The following KIAA1614 variants were observed in gnomAD, a reference collection of about 807,000 sequenced individuals.
The protein encoded by KIAA1614 is KIAA1614, also known as uncharacterized protein KIAA1614.
A neutral mutation model predicts 88.7 loss-of-function variants in KIAA1614; 76 were observed. That is an observed-to-expected ratio of 0.86 (90% CI 0.71 to 1.04). KIAA1614 has a LOEUF of 1.04. KIAA1614 is among the 50% of genes least tolerant of loss of function. KIAA1614 has a pLI of 0.00. For missense variants in KIAA1614, 1,553 were observed against 1,582.5 expected, an observed-to-expected ratio of 0.98 and a Z score of 0.32; for synonymous variants, 714 against 675.5, an observed-to-expected ratio of 1.06 and a Z score of -0.88.
intron 4 of KIAA1614, among the ~76,000 whole-genome samples, chr1:180,930,292 A>G (rs1233537062): frequency 6.6e-6 from 1 of 151,912 alleles, no homozygotes; most frequent in Non-Finnish European, 1.5e-5. Flanking sequence ...GGTGGCGGGC[A>G]CCTGTAGTCC....
chr1:180,936,760 CAG>C lies in KIAA1614; in HGVS notation c.2761+93_2761+94del, dbSNP rs1248537065. 4.9e-6 allele frequency: 4 copies of C among 814,442 alleles called. No homozygotes were observed. The East Asian group carries it at 1.1e-4, about 23-fold the overall frequency. 50.5% of individuals were successfully genotyped at this position (814,442 alleles called of 1,614,324 possible). A position where few individuals can be genotyped will look rare whatever the true frequency, so the allele number is the denominator to read the frequency against. On this transcript the variant is annotated intron_variant, in intron 5 of 8. Coordinates refer to ENST00000367588, the MANE Select transcript of KIAA1614 (RefSeq NM_020950.2). The stretch of plus-strand genomic sequence containing the variant: ...ACCCAATCCATGACACACAGGCCTT[CAG>C]AGTCATTCCCTTTTATCTCAATAGT...
chr1:180,936,000 TG>T lies in KIAA1614; in HGVS notation c.2092del (p.Glu698LysfsTer6). ...TGAAAGAGGGCAGAGGACACACGCCTGAAGGAACTCTATTTTTGAGAGAAGA... is the reference window on the plus strand; with the variant it reads ...TGAAAGAGGGCAGAGGACACACGCCTAAGGAACTCTATTTTTGAGAGAAGA... ...EVKEGRGHTP[E>X]GTLFLREDAK... On this transcript the variant is annotated frameshift_variant, in exon 5 of 9. Coordinates refer to ENST00000367588, the MANE Select transcript of KIAA1614 (RefSeq NM_020950.2). LOFTEE classifies it high-confidence loss of function. This position sits in a 1 kb window ranked among gnomAD's most constrained non-coding sequence, Gnocchi z 6.1. 1 of 1,614,056 alleles carries T rather than the reference TG, an allele frequency of 6.2e-7. No individual in the cohort carries two copies. Among genetic ancestry groups the T allele is most frequent in the Non-Finnish European group, 8.5e-7 (1 of 1,179,920 alleles).
chr1:180,943,034 T>TTTTTTGTTTGTTTG (rs1553260090), intron 7 of KIAA1614, among the ~76,000 whole-genome samples: 35 of 139,582 alleles, frequency 2.5e-4, no homozygotes, highest in East Asian at 1.2e-3. Flanking sequence ...TTGGGTTTTT[T>TTTTTTGTTTGTTTG]TTTTTTTTTT....
chr1:180,948,569 TATC>T lies in KIAA1614; in HGVS notation c.*2984_*2986del, dbSNP rs1208278668. 1 of 152,224 alleles carries T rather than the reference TATC, an allele frequency of 6.6e-6. No individual in the cohort carries two copies. The highest frequency in any genetic ancestry group is 1.9e-4 in the East Asian group (1 of 5,186). 9.4% of individuals were successfully genotyped at this position (152,224 alleles called of 1,614,324 possible). On this transcript the variant is annotated 3_prime_UTR_variant, in exon 9 of 9. Transcript: ENST00000367588. ...GCTCTGGCAGCATTCTTTCAGGGTT[TATC>T]ATTAGTCCCCACCTGCAACTCCCAC...
chr1:180,920,698 A>C (rs1423481401), intron 3 of KIAA1614, among the ~76,000 whole-genome samples: 1 of 131,798 alleles, frequency 7.6e-6, no homozygotes, highest in Non-Finnish European at 1.6e-5. Context: ...TCAACACAGC[A>C]GGCAGGCTGG....
intron 7 of KIAA1614, among the ~76,000 whole-genome samples, chr1:180,943,345 C>T (rs1415200852): frequency 6.6e-6 from 1 of 151,616 alleles, no homozygotes; most frequent in East Asian, 2.0e-4. Flanking sequence ...GCCACATTTT[C>T]TTTATCCACT....
At position 180,945,796 on chromosome 1, in the gene KIAA1614, T is replaced by A. The variant is rs925320247; in HGVS notation, c.*208T>A. ...TTGACTCCACTGTCCCCCTGCTGTC[T>A]GATGACATCTTGAAATTAGAAGCTT... On this transcript the variant is annotated 3_prime_UTR_variant, in exon 9 of 9. Transcript: ENST00000367588. The A allele has an allele frequency of 7.5e-7, 1 of 1,341,886 alleles. No individual in the cohort carries two copies. The allele number at this position is 1,341,886 out of a possible 1,614,324, so 83.1% of individuals were successfully genotyped here.
At chr1:180,928,119 A>C in intron 3 of KIAA1614, 1 of 254,384 alleles carries the variant, frequency 3.9e-6, no homozygotes, top group Non-Finnish European at 7.4e-6. Context: ...GAACAATAGA[A>C]TAATCTGGAG....
At chr1:180,917,976 C>A in intron 3 of KIAA1614, 62 bp downstream of exon 3, 2 of 1,418,844 alleles carry the variant, frequency 1.4e-6, no homozygotes, top group Middle Eastern at 2.0e-4. Context: ...TCTATTTACT[C>A]AGCATCAGGA....
chr1:180,935,296 C>A lies in KIAA1614; in HGVS notation c.1387C>A (p.Arg463Ser). 6.7e-7 allele frequency: 1 copy of A among 1,497,710 alleles called. No homozygotes were observed. The highest frequency in any genetic ancestry group is 8.9e-7 in the Non-Finnish European group (1 of 1,127,370). 92.8% of individuals were successfully genotyped at this position (1,497,710 alleles called of 1,614,324 possible). A position where few individuals can be genotyped will look rare whatever the true frequency, so the allele number is the denominator to read the frequency against. Residue 463 changes from arginine to serine, a missense_variant, in exon 5 of 9, where the codon CGT (arginine) becomes AGT (serine). Transcript: ENST00000367588. This position sits in a 1 kb window ranked among gnomAD's most constrained non-coding sequence, Gnocchi z 6.1. ...TGAGTCCGCCCGCGAAGCCGAGTTC[C>A]GTCACCTGGAGCGGCTGCAGCAGCG... ...EDESAREAEFRHLERLQQRQR... is the reference protein window; with the variant it reads ...EDESAREAEFSHLERLQQRQR...
chr1:180,925,235 C>A (rs905156418), intron 3 of KIAA1614, among the ~76,000 whole-genome samples: 2 of 152,180 alleles, frequency 1.3e-5, no homozygotes, highest in African/African-American at 4.8e-5. Context: ...AGCACATGAC[C>A]CAGAATCAGT....
In KIAA1614 at chr1:180,946,435, C is replaced by G. The variant is rs1478860983; in HGVS notation, c.*847C>G. 6.6e-6 allele frequency: 1 copy of G among 152,278 alleles called. No homozygotes were observed. The highest frequency in any genetic ancestry group is 2.4e-5 in the African/African-American group (1 of 41,450). The allele number at this position is 152,278 out of a possible 1,614,324, so 9.4% of individuals were successfully genotyped here. A position where few individuals can be genotyped will look rare whatever the true frequency, so the allele number is the denominator to read the frequency against. On this transcript the variant is annotated 3_prime_UTR_variant, in exon 9 of 9. Transcript: ENST00000367588. ...TCCTGGACATCATTCTGCACTCTGA[C>G]CAGTTCTCAGTTCCACCCCATCCAT...
In KIAA1614 at chr1:180,917,895, C is replaced by A; in HGVS notation, c.1042C>A (p.Gln348Lys). Residue 348 changes from glutamine (Q) to lysine (K), a missense_variant, in exon 3 of 9, where the codon CAG becomes AAG. Gln to Lys is a moderately conservative substitution (Grantham distance 53, BLOSUM62 1). Transcript: ENST00000367588. ...DVDWASGTSL[Q>K]DSGQNRTVGP... ...GGACTGGGCCTCGGGCACCTCCTTG[C>A]AGGACTCCGGCCAGAACAGGTAAGA... 6.2e-7 allele frequency: 1 copy of A among 1,613,918 alleles called. No homozygotes were observed. The highest frequency in any genetic ancestry group is 8.5e-7 in the Non-Finnish European group (1 of 1,179,918).
chr1:180,935,138 G>A lies in KIAA1614; in HGVS notation c.1229G>A (p.Arg410Gln), dbSNP rs1458141884. 4.9e-6 allele frequency: 7 copies of A among 1,440,248 alleles called. No homozygotes were observed. The highest frequency in any genetic ancestry group is 2.8e-5 in the Admixed American group (1 of 35,554). 89.2% of individuals were successfully genotyped at this position (1,440,248 alleles called of 1,614,324 possible). A position where few individuals can be genotyped will look rare whatever the true frequency, so the allele number is the denominator to read the frequency against. The change falls in exon 5 of 9, where the codon CGG becomes CAG. Residue 410 changes from arginine (R) to glutamine (Q), a missense_variant. Coordinates refer to ENST00000367588, the MANE Select transcript of KIAA1614 (RefSeq NM_020950.2). The surrounding 1 kb of genome is among the most constrained non-coding windows in gnomAD (Gnocchi z 6.1). The part of the protein sequence containing the change: ...GSRDGHRSPA[R>Q]DPRTTPACRD... The stretch of plus-strand genomic sequence containing the variant: ...AGAGATGGCCACAGAAGCCCAGCCC[G>A]GGACCCCAGGACGACCCCTGCCTGC...
At chr1:180,930,691 G>A (rs1246912607) in intron 4 of KIAA1614, among the ~76,000 whole-genome samples, 3 of 152,188 alleles carry the variant, frequency 2.0e-5, no homozygotes, top group Non-Finnish European at 4.4e-5. Flanking sequence ...GCTCCCTTTT[G>A]CAGGCTGTCT....
intron 4 of KIAA1614, among the ~76,000 whole-genome samples, chr1:180,934,252 CAAAAAA>C (rs71121058): frequency 3.9e-5 from 4 of 101,818 alleles, no homozygotes; most frequent in Non-Finnish European, 5.6e-5. Context: ...AACTCCGTCT[CAAAAAA>C]AAAAAAAAAA....
rs748370037 is a variant in KIAA1614 at position 180,916,270 on chromosome 1, C to T, written c.167C>T (p.Pro56Leu). ...NGHPPRPWPC[P>L]QENRTSSLMA... The stretch of plus-strand genomic sequence containing the variant: ...CACCCCCCAAGACCCTGGCCTTGCC[C>T]TCAGGAAAACAGAACATCCAGCCTG... Residue 56 changes from proline (P) to leucine (L), a missense_variant, in exon 2 of 9, where the codon CCT becomes CTT. Pro to Leu is a moderately conservative substitution (Grantham distance 98, BLOSUM62 -3). Coordinates refer to ENST00000367588, the MANE Select transcript of KIAA1614 (RefSeq NM_020950.2). 6.8e-6 allele frequency: 11 copies of T among 1,613,842 alleles called. No individual in the cohort carries two copies. In the South Asian group the frequency reaches 1.2e-4, roughly 18 times the overall value.
intron 4 of KIAA1614, among the ~76,000 whole-genome samples, chr1:180,931,516 A>G (rs946728209): frequency 4.6e-5 from 7 of 152,234 alleles, no homozygotes. Flanking sequence ...CTCAACGCTT[A>G]GCTGCCTCAT....
chr1:180,946,742 G>A lies in KIAA1614; in HGVS notation c.*1154G>A, dbSNP rs1329226651. 6.6e-6 allele frequency: 1 copy of A among 152,216 alleles called. No homozygotes were observed. Among genetic ancestry groups the A allele is most frequent in the East Asian group, 1.9e-4 (1 of 5,202 alleles). The allele number at this position is 152,216 out of a possible 1,614,324, so 9.4% of individuals were successfully genotyped here. On this transcript the variant is annotated 3_prime_UTR_variant, in exon 9 of 9. Transcript: ENST00000367588. ...TGCTGTTTAGCCTGGAAAAAAGTCT[G>A]CCTGCTACCACATTTGCAGACCACA...
Sources: allele counts gnomAD v4.1 joint callset (sites outside exome capture counted in the v4.1 genomes callset), GRCh38; gene constraint gnomAD v4.1.1; non-coding constraint Gnocchi (gnomAD v3.1); transcripts MANE v1.5; gene names NCBI Gene and HGNC (gene_info 2026-07-23, HGNC 2026-07-21).